The following FAT3 variants were observed in gnomAD, a reference collection of about 807,000 sequenced individuals.
The protein encoded by FAT3 is FAT atypical cadherin 3.
In FAT3, 95 loss-of-function variants were observed where a neutral mutation model predicts 310.2. That is an observed-to-expected ratio of 0.31 (90% confidence interval 0.26 to 0.36). FAT3 has a LOEUF of 0.36. FAT3 is among the 10% of genes least tolerant of loss of function. The pLI is 1.00. For missense variants in FAT3, 5,408 were observed against 5,715.6 expected (o/e 0.95, Z 1.74); for synonymous variants, 2,314 against 2,192.9 (o/e 1.06, Z -1.54).
chr11:92,417,211 G>A (rs1184059274), intron 2 of FAT3, among the ~76,000 whole-genome samples: 1 of 152,146 alleles, frequency 6.6e-6, no homozygotes, highest in East Asian at 1.9e-4. Flanking sequence ...TATTATGCAA[G>A]TTTTTTCTAA....
chr11:92,800,095 C>A lies in FAT3; in HGVS notation c.7082C>A (p.Thr2361Asn). 1 of 1,613,980 alleles carries A rather than the reference C, an allele frequency of 6.2e-7. No homozygotes were observed. The highest frequency in any genetic ancestry group is 1.7e-5 in the Admixed American group (1 of 60,030). Reference protein sequence around the residue: ...MLDHELVQHCTLKVRSIDSGF... With the variant: ...MLDHELVQHCNLKVRSIDSGF... Reference sequence around the variant, plus strand: ...GACCATGAGTTAGTACAACACTGCACTTTGAAAGTCAGATCAATAGATAGT... The same window carrying A: ...GACCATGAGTTAGTACAACACTGCAATTTGAAAGTCAGATCAATAGATAGT... Residue 2361 changes from threonine to asparagine, a missense_variant, in exon 10 of 28, where the codon ACT (threonine) becomes AAT (asparagine). By Grantham distance (65) the Thr-to-Asn change is moderately conservative. Around this residue, in one of 5 missense-constraint regions of FAT3, gnomAD observed 4,588 missense variants for 4,809.8 expected, o/e 0.95. Transcript: ENST00000525166.
chr11:92,704,628 T>G (rs1944210692), intron 4 of FAT3, among the ~76,000 whole-genome samples: 1 of 152,176 alleles, frequency 6.6e-6, no homozygotes, highest in Non-Finnish European at 1.5e-5. Context: ...GAAGGCCATT[T>G]GAAGAGAGAG....
chr11:92,487,487 C>G (rs557195605), intron 2 of FAT3, among the ~76,000 whole-genome samples: 1 of 152,256 alleles, frequency 6.6e-6, no homozygotes, highest in African/African-American at 2.4e-5. Flanking sequence ...TTAGCAGTAG[C>G]CTGTATTATT....
intron 3 of FAT3, 117 bp from the exon 4 acceptor site, chr11:92,697,267 T>C: frequency 1.4e-6 from 1 of 722,354 alleles, no homozygotes; most frequent in Non-Finnish European, 2.3e-6. Context: ...CATGGGGGAT[T>C]GGAAAGTTAC....
intron 2 of FAT3, among the ~76,000 whole-genome samples, chr11:92,502,395 A>T (rs374567806): frequency 2.0e-5 from 3 of 152,102 alleles, no homozygotes; most frequent in South Asian, 2.1e-4. Flanking sequence ...AGGCCAATGC[A>T]TCAGGAGTAT....
At chr11:92,594,711 C>T (rs529905087) in intron 3 of FAT3, among the ~76,000 whole-genome samples, 2 of 152,152 alleles carry the variant, frequency 1.3e-5, no homozygotes, top group East Asian at 3.9e-4. Flanking sequence ...ATTAATTATT[C>T]GTAACTCGGA....
intron 4 of FAT3, among the ~76,000 whole-genome samples, chr11:92,741,528 T>G (rs1316660624): frequency 2.6e-5 from 4 of 152,222 alleles, no homozygotes; most frequent in African/African-American, 9.6e-5. Flanking sequence ...TATAAATCTA[T>G]GTATAATAAA....
chr11:92,369,072 C>G (rs1949112586), intron 2 of FAT3, among the ~76,000 whole-genome samples: 3 of 152,038 alleles, frequency 2.0e-5, no homozygotes, highest in Non-Finnish European at 4.4e-5. Context: ...AGACAGATCT[C>G]TATACTGGCT....
intron 3 of FAT3, among the ~76,000 whole-genome samples, chr11:92,635,442 A>G (rs1016844330): frequency 6.6e-6 from 1 of 152,198 alleles, no homozygotes; most frequent in Non-Finnish European, 1.5e-5. Flanking sequence ...ATAATAAGCC[A>G]TATCATGAAG....
chr11:92,471,511 C>T (rs1467035664), intron 2 of FAT3, among the ~76,000 whole-genome samples: 2 of 152,110 alleles, frequency 1.3e-5, no homozygotes, highest in African/African-American at 4.8e-5. Flanking sequence ...ATTTGATACC[C>T]TTCACGTTGG....
intron 2 of FAT3, among the ~76,000 whole-genome samples, chr11:92,445,713 TAA>T: frequency 6.6e-6 from 1 of 152,234 alleles, no homozygotes; most frequent in East Asian, 1.9e-4. Context: ...AAATTACCTA[TAA>T]GTCCATCAAG....
In FAT3 at chr11:92,352,796, T is replaced by C; in HGVS notation, c.684T>C (p.Asp228=). The C allele has an allele frequency of 6.2e-7, 1 of 1,613,886 alleles. No individual in the cohort carries two copies. Among genetic ancestry groups the C allele is most frequent in the Admixed American group, 1.7e-5 (1 of 59,974 alleles). The change falls in exon 2 of 28, where the codon GAT becomes GAC. Residue 228 remains aspartate (D), a synonymous_variant. Transcript: ENST00000525166. ...RLNYDEKNRY[D]LEILAVDRGM... ...ATTATGATGAAAAGAATAGGTATGATCTGGAAATTTTGGCTGTGGACCGGG... is the reference window on the plus strand; with the variant it reads ...ATTATGATGAAAAGAATAGGTATGACCTGGAAATTTTGGCTGTGGACCGGG...
intron 2 of FAT3, among the ~76,000 whole-genome samples, chr11:92,435,369 AC>A (rs1201374766): frequency 2.0e-5 from 3 of 152,288 alleles, no homozygotes; most frequent in Non-Finnish European, 4.4e-5. Context: ...TGTTAGAATA[AC>A]AAGACACAGC....
At chr11:92,397,844 C>G (rs143754716) in intron 2 of FAT3, among the ~76,000 whole-genome samples, 2,442 of 151,520 alleles carry the variant, frequency 0.016, 33 homozygotes, top group Non-Finnish European at 0.021. Context: ...TTATGGAATA[C>G]TATTTTACAA....
At chr11:92,842,497 T>C (rs1318975793) in intron 18 of FAT3, among the ~76,000 whole-genome samples, 3 of 152,238 alleles carry the variant, frequency 2.0e-5, no homozygotes, top group African/African-American at 4.8e-5. Flanking sequence ...GCTAAAGTTA[T>C]ATCCTTCTCC....
At chr11:92,470,894 G>T (rs1471093451) in intron 2 of FAT3, among the ~76,000 whole-genome samples, 3 of 151,972 alleles carry the variant, frequency 2.0e-5, no homozygotes, top group Non-Finnish European at 1.5e-5. Context: ...AGAAATTTTA[G>T]AAAAAATAAG....
At chr11:92,376,824 C>T (rs921897183) in intron 2 of FAT3, among the ~76,000 whole-genome samples, 2 of 152,080 alleles carry the variant, frequency 1.3e-5, no homozygotes, top group African/African-American at 4.8e-5. Flanking sequence ...ATATATGAAC[C>T]CCAAATAATT....
At chr11:92,229,795 CTTTT>C (rs375129999) in intron 1 of FAT3, among the ~76,000 whole-genome samples, 1 of 107,912 alleles carries the variant, frequency 9.3e-6, no homozygotes, top group Non-Finnish European at 2.0e-5. Flanking sequence ...GATTTTTTTT[CTTTT>C]TTTTTTTTTT....
intron 4 of FAT3, among the ~76,000 whole-genome samples, chr11:92,743,563 A>G (rs1040348119): frequency 6.6e-6 from 1 of 152,196 alleles, no homozygotes; most frequent in Non-Finnish European, 1.5e-5. Context: ...ACCTGGCCAA[A>G]TGGGCCCCAG....
Sources: allele counts gnomAD v4.1 joint callset (sites outside exome capture counted in the v4.1 genomes callset), GRCh38; gene constraint gnomAD v4.1.1; regional missense constraint gnomAD v4.1.1; transcripts MANE v1.5; gene names NCBI Gene and HGNC (gene_info 2026-07-23, HGNC 2026-07-21).